Variants in EVA1A observed in about 807,000 individuals in gnomAD.
The protein encoded by EVA1A is eva-1 homolog A, regulator of programmed cell death, also known as protein eva-1 homolog A.
In EVA1A, 7 loss-of-function variants were observed where a neutral mutation model predicts 9.8. The ratio of observed to expected loss-of-function variants is 0.71; its 90% CI spans 0.41 to 1.34. EVA1A has a LOEUF of 1.34. Among genes scored for constraint, EVA1A ranks in the 40% most tolerant of loss-of-function variants. EVA1A has a pLI of 0.01. For synonymous variants in EVA1A, 90 were observed against 85.6 expected (o/e 1.05, Z -0.28); for missense variants, 206 against 205.9 (o/e 1.00, Z 0.00).
intron 3 of EVA1A, among the ~76,000 whole-genome samples, chr2:75,506,086 C>T (rs2103804067): frequency 6.6e-6 from 1 of 152,324 alleles, no homozygotes; most frequent in East Asian, 1.9e-4. Flanking sequence ...GGTCTCCCTC[C>T]ATCATGCCTA....
chr2:75,556,131 C>A (rs753397391), intron 1 of EVA1A, among the ~76,000 whole-genome samples: 1 of 152,192 alleles, frequency 6.6e-6, no homozygotes, highest in Non-Finnish European at 1.5e-5. Context: ...ACGTATTGCA[C>A]GTGTATTCCA....
chr2:75,538,254 C>T (rs1675988836), intron 1 of EVA1A, among the ~76,000 whole-genome samples: 1 of 152,162 alleles, frequency 6.6e-6, no homozygotes, highest in Non-Finnish European at 1.5e-5. Context: ...GAGATTGCAC[C>T]ACTGCACTCC....
rs902650952 is a variant in EVA1A at position 75,549,140 on chromosome 2, A to T, written c.-192+11540T>A. ...ACCCTGCCACAATCCAGAAGGTTGG[A>T]TGGGCAGAAGCACCAGTGATAGCTT... On this transcript the variant is annotated intron_variant, in intron 1 of 3. Coordinates refer to ENST00000393913, the MANE Select transcript of EVA1A (RefSeq NM_001135032.2). Among the ~76,000 whole-genome samples the T allele has an allele frequency of 2.6e-5, 4 of 152,002 alleles. No individual in the cohort carries two copies. In the Middle Eastern group the frequency reaches 0.01, roughly 388 times the overall value.
intron 1 of EVA1A, among the ~76,000 whole-genome samples, chr2:75,535,054 G>C (rs923258400): frequency 1.3e-5 from 2 of 151,452 alleles, no homozygotes; most frequent in Admixed American, 6.6e-5. Context: ...GATCAGTCCA[G>C]AATCTCCAAG....
chr2:75,534,502 T>TAAAAAAA (rs56043076), intron 1 of EVA1A, among the ~76,000 whole-genome samples: 12,879 of 148,422 alleles, frequency 0.087, 650 homozygotes, highest in Middle Eastern at 0.17. Context: ...TTCAAGTAAC[T>TAAAAAAA]AAAAAAAGAA....
chr2:75,554,850 T>C (rs1010960228), intron 1 of EVA1A, among the ~76,000 whole-genome samples: 1 of 152,356 alleles, frequency 6.6e-6, no homozygotes, highest in South Asian at 2.1e-4. Context: ...CCCTGATCCC[T>C]GGCTGGATTG....
chr2:75,528,212 T>C (rs1364156355), intron 1 of EVA1A, among the ~76,000 whole-genome samples: 6 of 152,062 alleles, frequency 3.9e-5, no homozygotes, highest in African/African-American at 1.4e-4. Context: ...CAGCTGAACT[T>C]TGTAATAATT....
intron 1 of EVA1A, among the ~76,000 whole-genome samples, chr2:75,553,831 G>T (rs1345579375): frequency 1.3e-5 from 2 of 152,156 alleles, no homozygotes; most frequent in Non-Finnish European, 2.9e-5. Flanking sequence ...AAGGACCGAG[G>T]TCTCATAGCA....
At chr2:75,496,232 A>G (rs1674207172) in intron 3 of EVA1A, among the ~76,000 whole-genome samples, 1 of 152,218 alleles carries the variant, frequency 6.6e-6, no homozygotes, top group Non-Finnish European at 1.5e-5. Context: ...ATAGCAAGAG[A>G]GGAAGTCAAA....
At chr2:75,557,983 T>C (rs1202854215) in intron 1 of EVA1A, among the ~76,000 whole-genome samples, 1 of 152,222 alleles carries the variant, frequency 6.6e-6, no homozygotes, top group Non-Finnish European at 1.5e-5. Context: ...TTTACCCGCA[T>C]AGTGTAAAGA....
intron 1 of EVA1A, among the ~76,000 whole-genome samples, chr2:75,525,106 C>G (rs1162060544): frequency 6.6e-6 from 1 of 151,920 alleles, no homozygotes; most frequent in Non-Finnish European, 1.5e-5. Context: ...TATAAATATA[C>G]AATGTATATA....
At chr2:75,505,646 A>G (rs1674589575) in intron 3 of EVA1A, among the ~76,000 whole-genome samples, 1 of 152,114 alleles carries the variant, frequency 6.6e-6, no homozygotes, top group Non-Finnish European at 1.5e-5. Flanking sequence ...CCCTGTCTCT[A>G]CTAAAAATAC....
intron 3 of EVA1A, among the ~76,000 whole-genome samples, chr2:75,506,002 C>A (rs1674608504): frequency 6.6e-6 from 1 of 152,082 alleles, no homozygotes; most frequent in East Asian, 1.9e-4. Flanking sequence ...TAATTCATAT[C>A]TTTTCCTCTG....
chr2:75,499,174 G>A (rs918565809), intron 3 of EVA1A, among the ~76,000 whole-genome samples: 3 of 152,142 alleles, frequency 2.0e-5, no homozygotes, highest in African/African-American at 7.2e-5. Flanking sequence ...CCCTGGATTG[G>A]GTTAAATCCA....
intron 1 of EVA1A, among the ~76,000 whole-genome samples, chr2:75,557,714 G>A (rs956552620): frequency 1.3e-5 from 2 of 152,238 alleles, no homozygotes; most frequent in African/African-American, 4.8e-5. Context: ...TTCTAGCCCT[G>A]ACTATGTACA....
chr2:75,533,073 G>A (rs1675727442), intron 1 of EVA1A, among the ~76,000 whole-genome samples: 2 of 151,048 alleles, frequency 1.3e-5, no homozygotes, highest in Middle Eastern at 3.2e-3. Flanking sequence ...GAGCCTAGGA[G>A]ATCGAGACTG....
intron 3 of EVA1A, among the ~76,000 whole-genome samples, chr2:75,513,984 A>G (rs906659119): frequency 9.9e-5 from 15 of 152,228 alleles, no homozygotes; most frequent in Admixed American, 9.2e-4. Flanking sequence ...CCCAGAGATA[A>G]TGAGAATCCA....
At chr2:75,495,949 C>A (rs1674196942) in intron 3 of EVA1A, among the ~76,000 whole-genome samples, 2 of 152,104 alleles carry the variant, frequency 1.3e-5, no homozygotes, top group East Asian at 1.9e-4. Flanking sequence ...CTGTTACATC[C>A]CTAGGCCACA....
chr2:75,564,728 G>A (rs1280826789), upstream of EVA1A, among the ~76,000 whole-genome samples: 1 of 152,184 alleles, frequency 6.6e-6, no homozygotes, highest in Non-Finnish European at 1.5e-5. Flanking sequence ...GCTACTGTTA[G>A]ACAAGACTCT....
Sources: allele counts gnomAD v4.1 joint callset (sites outside exome capture counted in the v4.1 genomes callset), GRCh38; gene constraint gnomAD v4.1.1; transcripts MANE v1.5; gene names NCBI Gene and HGNC (gene_info 2026-07-23, HGNC 2026-07-21).